The following MDGA1 variants were observed in gnomAD, a reference collection of about 807,000 sequenced individuals.
MDGA1 encodes MAM domain-containing glycosylphosphatidylinositol anchor protein 1.
In MDGA1, 54 loss-of-function variants were observed where a neutral mutation model predicts 101.5. That is an observed-to-expected ratio of 0.53 (90% CI 0.43 to 0.67). The LOEUF (loss-of-function observed/expected upper bound fraction) is 0.67. Ranked by LOEUF, MDGA1 falls within the 30% of genes least tolerant of loss-of-function variation. MDGA1 has a pLI of 0.00. For synonymous variants in MDGA1, 533 were observed against 558.3 expected, an observed-to-expected ratio of 0.95 and a Z score of 0.64; for missense variants, 1,083 against 1,323.8, an observed-to-expected ratio of 0.82 and a Z score of 2.82.
rs531914623 is a variant in MDGA1 at position 37,635,643 on chromosome 6, C to T, written c.*1725G>A. On this transcript the variant is annotated 3_prime_UTR_variant, in exon 17 of 17. Transcript: ENST00000434837. Reference sequence around the variant, plus strand: ...CCGCCTGCCTCCTGGCACTGCAGTGCTGCCCGAGTTCCAGGCCTCTTCTCT... The same window carrying T: ...CCGCCTGCCTCCTGGCACTGCAGTGTTGCCCGAGTTCCAGGCCTCTTCTCT... The T allele has an allele frequency of 8.3e-4, 332 of 398,710 alleles. 3 individuals are homozygous for T. The highest frequency in any genetic ancestry group is 6.0e-3 in the African/African-American group (292 of 48,758). The allele number at this position is 398,710 out of a possible 1,614,324, so 24.7% of individuals were successfully genotyped here.
chr6:37,643,795 GC>G lies in MDGA1; in HGVS notation c.2536+13del, dbSNP rs1764150134. On this transcript the variant is annotated intron_variant, in intron 14 of 16. Coordinates refer to ENST00000434837, the MANE Select transcript of MDGA1 (RefSeq NM_153487.4). ...GCACACACTTGGTGGAGACTACCTG[GC>G]CCCCCAACTCACCGATGTGTTTCCC... 6.2e-7 allele frequency: 1 copy of G among 1,613,660 alleles called. No homozygotes were observed. Among genetic ancestry groups the G allele is most frequent in the Non-Finnish European group, 8.5e-7 (1 of 1,179,680 alleles).
intron 3 of MDGA1, among the ~76,000 whole-genome samples, chr6:37,656,913 G>A (rs372110225): frequency 3.3e-5 from 5 of 152,284 alleles, no homozygotes; most frequent in Non-Finnish European, 7.3e-5. Context: ...TTGCCCAAGA[G>A]CATTACGTGG....
chr6:37,680,866 C>T (rs1250825016), intron 1 of MDGA1, among the ~76,000 whole-genome samples: 1 of 152,230 alleles, frequency 6.6e-6, no homozygotes, highest in African/African-American at 2.4e-5. Context: ...GGGAGAGAGG[C>T]TCCGAGCAGG....
intron 12 of MDGA1, among the ~76,000 whole-genome samples, chr6:37,645,367 C>T (rs982987730): frequency 6.6e-6 from 1 of 152,134 alleles, no homozygotes; most frequent in Non-Finnish European, 1.5e-5. Context: ...AACCCCATCT[C>T]TATTAAAAAC....
chr6:37,647,300 T>G lies in MDGA1; in HGVS notation c.1919A>C (p.Tyr640Ser). 6.5e-7 allele frequency: 1 copy of G among 1,550,318 alleles called. No individual in the cohort carries two copies. Among genetic ancestry groups the G allele is most frequent in the Non-Finnish European group, 8.7e-7 (1 of 1,146,456 alleles). ...VSAKAYSPEF[Y>S]FDTPNPTRSH... ...GCGGGTGGGGTTGGGGGTGTCGAAGTAAAACTCCGGGCTGTAGGCTTTGGC... is the reference window on the plus strand; with the variant it reads ...GCGGGTGGGGTTGGGGGTGTCGAAGGAAAACTCCGGGCTGTAGGCTTTGGC... The change falls in exon 10 of 17, where the codon TAC (tyrosine) becomes TCC (serine). Residue 640 changes from tyrosine to serine, a missense_variant. Transcript: ENST00000434837.
At chr6:37,642,908 T>C (rs1764124252) in intron 14 of MDGA1, among the ~76,000 whole-genome samples, 1 of 152,360 alleles carries the variant, frequency 6.6e-6, no homozygotes, top group South Asian at 2.1e-4. Flanking sequence ...CTGGAAGTGA[T>C]GGCTGACACT....
Position 37,655,661 on chromosome 6 carries a change from G to GTTC in MDGA1, c.579+38_579+39insGAA. ...ATGCCCCCCTCCCCTGTTGGATGCA[G>GTTC]GAGAAGTGGTATGGGGCGAGCCAGC... On this transcript the variant is annotated intron_variant, in intron 4 of 16. Coordinates refer to ENST00000434837, the MANE Select transcript of MDGA1 (RefSeq NM_153487.4). This position sits in a 1 kb window ranked among gnomAD's most constrained non-coding sequence, Gnocchi z 5.1. 6.6e-7 allele frequency: 1 copy of GTTC among 1,515,844 alleles called. No homozygotes were observed. The highest frequency in any genetic ancestry group is 8.9e-7 in the Non-Finnish European group (1 of 1,120,794). The allele number at this position is 1,515,844 out of a possible 1,614,324, so 93.9% of individuals were successfully genotyped here. A position where few individuals can be genotyped will look rare whatever the true frequency, so the allele number is the denominator to read the frequency against.
chr6:37,658,148 ACCCCATGCCCACTT>A, intron 3 of MDGA1, 83 bp downstream of exon 3: 3 of 1,362,330 alleles, frequency 2.2e-6, no homozygotes, highest in Non-Finnish European at 2.9e-6. Flanking sequence ...TCTCCGTTCC[ACCCCATGCCCACTT>A]CCCCACCTCA....
chr6:37,645,967 A>G lies in MDGA1; in HGVS notation c.2225-11T>C. On this transcript the variant is annotated splice_polypyrimidine_tract_variant and intron_variant, in intron 11 of 16. Coordinates refer to ENST00000434837, the MANE Select transcript of MDGA1 (RefSeq NM_153487.4). ...TCGGAGAGTTGATGGCTGAGAAAGC[A>G]AGCGGGGAAACCAAGTCAGAACTGA... The G allele has an allele frequency of 6.2e-7, 1 of 1,614,006 alleles. No homozygotes were observed. The highest frequency in any genetic ancestry group is 8.5e-7 in the Non-Finnish European group (1 of 1,179,888).
At chr6:37,693,610 G>C (rs12525618) in intron 1 of MDGA1, among the ~76,000 whole-genome samples, 2 of 152,142 alleles carry the variant, frequency 1.3e-5, no homozygotes, top group African/African-American at 4.8e-5. Flanking sequence ...AGCAGAAGCC[G>C]GGACAGAAGG....
At chr6:37,650,733 T>C (rs1761341902) in intron 7 of MDGA1, among the ~76,000 whole-genome samples, 1 of 152,244 alleles carries the variant, frequency 6.6e-6, no homozygotes, top group African/African-American at 2.4e-5. Flanking sequence ...CCTTCTGTCC[T>C]ACTCCGGGCC....
intron 1 of MDGA1, among the ~76,000 whole-genome samples, chr6:37,678,416 CCCTGCTTCCTCCCTTG>C (rs1416943724): frequency 6.6e-6 from 1 of 152,138 alleles, no homozygotes; most frequent in Non-Finnish European, 1.5e-5. Context: ...GATAGGTCTT[CCCTGCTTCCTCCCTTG>C]CCTGCTGTAG....
In MDGA1 at chr6:37,633,230, C is replaced by T. The variant is rs1317539495; in HGVS notation, c.*4138G>A. 1 of 152,544 alleles carries T rather than the reference C, an allele frequency of 6.6e-6. No individual in the cohort carries two copies. The allele number at this position is 152,544 out of a possible 1,614,324, so 9.4% of individuals were successfully genotyped here. ...ACACACGCACACTCCACACATCACA[C>T]ACATTCTCAGACACACACGCACAGC... On this transcript the variant is annotated 3_prime_UTR_variant, in exon 17 of 17. Transcript: ENST00000434837.
rs1761450474 is a variant in MDGA1, at chr6:37,654,922, T to C, written c.590A>G (p.Lys197Arg). 6.2e-7 allele frequency: 1 copy of C among 1,613,230 alleles called. No individual in the cohort carries two copies. The highest frequency in any genetic ancestry group is 1.3e-5 in the African/African-American group (1 of 74,842). Residue 197 changes from lysine (K) to arginine (R), a missense_variant, in exon 5 of 17, where the codon AAG becomes AGG. Around this residue, in one of 3 missense-constraint regions of MDGA1, gnomAD observed 310 missense variants for 355.9 expected, o/e 0.87. Coordinates refer to ENST00000434837, the MANE Select transcript of MDGA1 (RefSeq NM_153487.4). The stretch of plus-strand genomic sequence containing the variant: ...CCGCAGGTTCTTCAGCTTCAGGACC[T>C]TGGTCTCCCCCTGGGCAGCAGTGGA... ...YEPLYTQGET[K>R]VLKLKNLRPQ...
At chr6:37,681,449 G>A (rs1168579234) in intron 1 of MDGA1, among the ~76,000 whole-genome samples, 1 of 152,104 alleles carries the variant, frequency 6.6e-6, no homozygotes. Context: ...CCAAGAAAAA[G>A]GTGACCAGAG....
At position 37,696,944 on chromosome 6, in the gene MDGA1, G is replaced by A. The variant is rs1037554423; in HGVS notation, c.-133C>T. On this transcript the variant is annotated 5_prime_UTR_variant, in exon 1 of 17. Transcript: ENST00000434837. The surrounding 1 kb of genome is among the most constrained non-coding windows in gnomAD (Gnocchi z 5.6). ...AGGTGAGAGAGAGAGCGGCGACGAAGACCAGGAGACTGAAGAGGCGGAGGT... is the reference window on the plus strand; with the variant it reads ...AGGTGAGAGAGAGAGCGGCGACGAAAACCAGGAGACTGAAGAGGCGGAGGT... 2.7e-6 allele frequency: 2 copies of A among 738,374 alleles called. No individual in the cohort carries two copies. The highest frequency in any genetic ancestry group is 4.6e-6 in the Non-Finnish European group (2 of 431,438). The allele number at this position is 738,374 out of a possible 1,614,324, so 45.7% of individuals were successfully genotyped here.
In MDGA1 at chr6:37,685,891, G is replaced by A. The variant is rs574246897; in HGVS notation, c.67+10854C>T. On this transcript the variant is annotated intron_variant, in intron 1 of 16. Transcript: ENST00000434837. ...CTGAGCTAGGCTGGCAGAGTGGGGC[G>A]AGGTGAGGATAGGCTGGCAGAGTGG... is the stretch of plus-strand genomic sequence containing the variant. Among the ~76,000 whole-genome samples, 171 of 152,226 alleles carry A rather than the reference G, an allele frequency of 1.1e-3. 4 individuals are homozygous for A. The South Asian group carries it at 0.034, about 30-fold the overall frequency.
chr6:37,639,611 G>T (rs9470650), intron 14 of MDGA1: 124,842 of 152,192 alleles, frequency 0.82, 51,794 homozygotes, highest in East Asian at 0.99. Flanking sequence ...CCTGCCTTAG[G>T]GCCTTTGCTT....
In MDGA1 at chr6:37,646,060, G is replaced by C. The variant is rs1339568726; in HGVS notation, c.2225-104C>G. On this transcript the variant is annotated intron_variant, in intron 11 of 16. Coordinates refer to ENST00000434837, the MANE Select transcript of MDGA1 (RefSeq NM_153487.4). ...ACAGGGTCCTCAGAGCCAGGACTGG[G>C]GGCCAGCGGATCTGGCCTGCAGTGA... The C allele has an allele frequency of 1.9e-6, 3 of 1,583,304 alleles. No homozygotes were observed. In the Admixed American group the frequency reaches 5.2e-5, roughly 27 times the overall value.
Sources: gnomAD v4.1 joint callset for allele counts (sites outside exome capture counted in the v4.1 genomes callset) on GRCh38, gnomAD v4.1.1 for gene constraint, gnomAD v4.1.1 regional missense constraint, Gnocchi (gnomAD v3.1) non-coding constraint, MANE v1.5 for transcripts, NCBI Gene and HGNC (gene_info 2026-07-23, HGNC 2026-07-21) for gene names.